The following GPR137C variants were observed in gnomAD, a reference collection of about 807,000 sequenced individuals.
The protein encoded by GPR137C is integral membrane protein GPR137C.
GPR137C carries 27 observed loss-of-function variants against 43.4 expected under a neutral mutation model. That is an observed-to-expected ratio of 0.62 (90% CI 0.46 to 0.86). The LOEUF is 0.86. Ranked by LOEUF, GPR137C falls within the 40% of genes least tolerant of loss-of-function variation. GPR137C has a pLI of 0.00. For synonymous variants in GPR137C, 285 were observed against 226.9 expected, an observed-to-expected ratio of 1.26 and a Z score of -2.30; for missense variants, 522 against 534.6, an observed-to-expected ratio of 0.98 and a Z score of 0.23.
At chr14:52,598,225 T>C in intron 1 of GPR137C, 47 bp from the exon 2 acceptor site, 1 of 660,000 alleles carries the variant, frequency 1.5e-6, no homozygotes, top group Non-Finnish European at 2.5e-6. Flanking sequence ...ATTTAAGAAT[T>C]CTATATTACA....
At chr14:52,632,684 C>T (rs1381709713) in intron 4 of GPR137C, among the ~76,000 whole-genome samples, 1 of 152,062 alleles carries the variant, frequency 6.6e-6, no homozygotes, top group Non-Finnish European at 1.5e-5. Context: ...TAACTCTCCC[C>T]TACCCAAGAA....
At chr14:52,602,755 A>T (rs1305231614) in intron 3 of GPR137C, among the ~76,000 whole-genome samples, 1 of 152,056 alleles carries the variant, frequency 6.6e-6, no homozygotes, top group Admixed American at 6.6e-5. Context: ...AATTTTATTT[A>T]TTTCTCTTGG....
At chr14:52,562,052 T>C (rs1270113558) in intron 1 of GPR137C, among the ~76,000 whole-genome samples, 1 of 152,182 alleles carries the variant, frequency 6.6e-6, no homozygotes, top group Non-Finnish European at 1.5e-5. Context: ...AGGGAAGAAA[T>C]GTACAACCTG....
At chr14:52,559,485 T>C (rs1007279230) in intron 1 of GPR137C, among the ~76,000 whole-genome samples, 2 of 152,180 alleles carry the variant, frequency 1.3e-5, no homozygotes, top group African/African-American at 4.8e-5. Flanking sequence ...AAAGAAGAAT[T>C]TGACAAAATT....
chr14:52,559,286 G>T (rs2038242835), intron 1 of GPR137C, among the ~76,000 whole-genome samples: 1 of 146,670 alleles, frequency 6.8e-6, no homozygotes, highest in African/African-American at 2.5e-5. Flanking sequence ...GAGAGAGAAG[G>T]CAGGAGAATC....
chr14:52,619,396 T>G (rs1566623829), intron 3 of GPR137C, among the ~76,000 whole-genome samples: 2 of 152,140 alleles, frequency 1.3e-5, no homozygotes, highest in Non-Finnish European at 2.9e-5. Context: ...TTCCTAATAT[T>G]TTAATATTTA....
At position 52,637,175 on chromosome 14, in the gene GPR137C, C is replaced by T. The variant is rs2039362342; in HGVS notation, c.*2060C>T. On this transcript the variant is annotated 3_prime_UTR_variant, in exon 7 of 7. Transcript: ENST00000321662. The stretch of plus-strand genomic sequence containing the variant: ...TATCACTGACTAGGGTACCCAAATT[C>T]TTGCATTTGTCTCCTTATACACATC... 3 of 152,118 alleles carry T rather than the reference C, an allele frequency of 2.0e-5. No homozygotes were observed. Among genetic ancestry groups the T allele is most frequent in the Admixed American group, 2.0e-4 (3 of 15,254 alleles). 9.4% of individuals were successfully genotyped at this position (152,118 alleles called of 1,614,324 possible).
At chr14:52,598,826 G>C (rs2038889151) in intron 2 of GPR137C, among the ~76,000 whole-genome samples, 1 of 152,122 alleles carries the variant, frequency 6.6e-6, no homozygotes, top group African/African-American at 2.4e-5. Context: ...GGATATGTAG[G>C]TGATTTCAAG....
At chr14:52,558,374 G>T (rs766478010) in intron 1 of GPR137C, among the ~76,000 whole-genome samples, 1 of 152,118 alleles carries the variant, frequency 6.6e-6, no homozygotes, top group Admixed American at 6.5e-5. Context: ...AGCTAGATAG[G>T]GGGTACAAAT....
chr14:52,580,827 A>AAT (rs1346447247), intron 1 of GPR137C, among the ~76,000 whole-genome samples: 1 of 147,574 alleles, frequency 6.8e-6, no homozygotes, highest in Non-Finnish European at 1.5e-5. Context: ...TTTATATAAT[A>AAT]ATATTTATAT....
chr14:52,581,645 C>G (rs1343986970), intron 1 of GPR137C, among the ~76,000 whole-genome samples: 1 of 152,030 alleles, frequency 6.6e-6, no homozygotes, highest in African/African-American at 2.4e-5. Flanking sequence ...CAATGGTAAG[C>G]TTGGGAATGG....
At chr14:52,564,093 G>A (rs1267492432) in intron 1 of GPR137C, among the ~76,000 whole-genome samples, 2 of 152,048 alleles carry the variant, frequency 1.3e-5, no homozygotes, top group Non-Finnish European at 1.5e-5. Flanking sequence ...GGCCAATATG[G>A]TGAAACCCCA....
chr14:52,562,760 T>C (rs2038305993), intron 1 of GPR137C, among the ~76,000 whole-genome samples: 7 of 152,202 alleles, frequency 4.6e-5, no homozygotes, highest in Admixed American at 3.9e-4. Flanking sequence ...GGTTAGCATG[T>C]AGAACTAAAT....
chr14:52,601,275 A>C (rs182072915), intron 3 of GPR137C, among the ~76,000 whole-genome samples: 1 of 152,172 alleles, frequency 6.6e-6, no homozygotes, highest in Non-Finnish European at 1.5e-5. Flanking sequence ...CCTATTCACT[A>C]ATAATAAGTT....
chr14:52,601,507 T>G lies in GPR137C; in HGVS notation c.717+1166T>G, dbSNP rs543363955. On this transcript the variant is annotated intron_variant, in intron 3 of 6. Transcript: ENST00000321662. ...GTGTGTGTGTGTGTGTGTATATATA[T>G]ATAGAGAGAGAGAGAGAGAAGAGAA... 4.1e-3 allele frequency among the ~76,000 whole-genome samples: 614 copies of G among 151,140 alleles called. 3 individuals carry two copies. The highest frequency in any genetic ancestry group is 6.8e-3 in the Middle Eastern group (2 of 294).
chr14:52,627,810 C>T (rs1187545434), intron 3 of GPR137C, among the ~76,000 whole-genome samples: 2 of 152,106 alleles, frequency 1.3e-5, no homozygotes, highest in African/African-American at 4.8e-5. Flanking sequence ...CACCACTGCA[C>T]TCCAGCCTGG....
rs542282672 is a variant in GPR137C at position 52,558,847 on chromosome 14, GA to G, written c.444+5264del. Among the ~76,000 whole-genome samples, 4 of 151,736 alleles carry G rather than the reference GA, an allele frequency of 2.6e-5. No homozygotes were observed. In the East Asian group the frequency reaches 7.7e-4, roughly 29 times the overall value. Reference sequence around the variant, plus strand: ...AAATAAGTGAACTAGAAGATCTTAGGAAAAAAAATCACTCGGGATATAGCCC... The same window carrying G: ...AAATAAGTGAACTAGAAGATCTTAGGAAAAAAATCACTCGGGATATAGCCC... On this transcript the variant is annotated intron_variant, in intron 1 of 6. Coordinates refer to ENST00000321662, the MANE Select transcript of GPR137C (RefSeq NM_001099652.2).
At chr14:52,614,435 C>G (rs2139556797) in intron 3 of GPR137C, among the ~76,000 whole-genome samples, 1 of 152,140 alleles carries the variant, frequency 6.6e-6, no homozygotes, top group Middle Eastern at 3.4e-3. Flanking sequence ...TTCTTGTTCG[C>G]CATTCATAAG....
chr14:52,633,896 A>G lies in GPR137C; in HGVS notation c.1062A>G (p.Arg354=), dbSNP rs370315688. Residue 354 remains arginine (R), a synonymous_variant, in exon 6 of 7, where the codon CGA becomes CGG. Coordinates refer to ENST00000321662, the MANE Select transcript of GPR137C (RefSeq NM_001099652.2). ...SRAYFFDNPR[R]YDSDDDLPRL... ...CTTACTTTTTCGACAATCCAAGACG[A>G]TATGATAGTGATGATGACCTGCCAA... is the stretch of plus-strand genomic sequence containing the variant. 2.1e-4 allele frequency: 342 copies of G among 1,612,900 alleles called. 2 individuals are homozygous for G. The South Asian group carries it at 3.4e-3, about 16-fold the overall frequency.
Sources: gnomAD v4.1 joint callset for allele counts (sites outside exome capture counted in the v4.1 genomes callset) on GRCh38, gnomAD v4.1.1 for gene constraint, MANE v1.5 for transcripts, NCBI Gene and HGNC (gene_info 2026-07-23, HGNC 2026-07-21) for gene names.